The following MSI1 variants were observed in gnomAD, a reference collection of about 807,000 sequenced individuals.
MSI1 encodes musashi RNA binding protein 1.
Under a neutral mutation model 54.4 loss-of-function variants are expected in MSI1, and 15 were observed. The observed-to-expected ratio is 0.28, with a 90% confidence interval of 0.18 to 0.42. MSI1 has a LOEUF of 0.42. Among genes scored for constraint, MSI1 ranks in the 20% least tolerant of loss-of-function variants. The pLI is 1.00. For missense variants in MSI1, 304 were observed against 506.0 expected, an observed-to-expected ratio of 0.60 and a Z score of 3.83; for synonymous variants, 200 against 196.5, an observed-to-expected ratio of 1.02 and a Z score of -0.15.
intron 4 of MSI1, among the ~76,000 whole-genome samples, chr12:120,366,884 G>C (rs910374095): frequency 1.3e-5 from 2 of 152,148 alleles, no homozygotes; most frequent in African/African-American, 4.8e-5. Flanking sequence ...GAAGCCATCA[G>C]TGCATTCTGA....
chr12:120,359,080 C>A (rs543758933), intron 6 of MSI1, 27 bp from the exon 7 acceptor site: 112 of 1,552,076 alleles, frequency 7.2e-5, no homozygotes, highest in Non-Finnish European at 9.2e-5. Flanking sequence ...CATGGAGGAC[C>A]CAGCAGATAC....
chr12:120,367,707 C>T (rs978989919), intron 4 of MSI1, among the ~76,000 whole-genome samples: 8 of 152,044 alleles, frequency 5.3e-5, no homozygotes, highest in South Asian at 2.1e-4. Context: ...CTAGCCCCAC[C>T]CCAAGCTCTG....
intron 14 of MSI1, 102 bp downstream of exon 14, chr12:120,345,468 G>C: frequency 1.0e-6 from 1 of 1,003,064 alleles, no homozygotes. Flanking sequence ...CCCTGGGACT[G>C]TGGTTCTTGA....
At chr12:120,361,907 G>T (rs1001450651) in intron 6 of MSI1, among the ~76,000 whole-genome samples, 1 of 151,766 alleles carries the variant, frequency 6.6e-6, no homozygotes, top group African/African-American at 2.4e-5. Context: ...TGGCAACGCC[G>T]GCCCCGGGGG....
At chr12:120,367,870 C>G (rs1876113412) in intron 4 of MSI1, 138 bp downstream of exon 4, 1 of 811,318 alleles carries the variant, frequency 1.2e-6, no homozygotes, top group Non-Finnish European at 1.9e-6. Flanking sequence ...AGTTTCAGAG[C>G]ATGGCAGCCC....
At chr12:120,349,842 TGGCTCATTTA>T (rs1874443269) in intron 11 of MSI1, among the ~76,000 whole-genome samples, 1 of 152,222 alleles carries the variant, frequency 6.6e-6, no homozygotes, top group African/African-American at 2.4e-5. Flanking sequence ...GTCTGTTGTT[TGGCTCATTTA>T]GGCATTTCCA....
At chr12:120,364,583 A>G (rs927929918) in intron 5 of MSI1, 131 bp downstream of exon 5, 7 of 853,316 alleles carry the variant, frequency 8.2e-6, no homozygotes, top group Non-Finnish European at 1.2e-5. Context: ...CCCTCTTCCC[A>G]GCCCAGCCCA....
At position 120,368,109 on chromosome 12, in the gene MSI1, G is replaced by A. The variant is rs1876131119; in HGVS notation, c.183-17C>T. The A allele has an allele frequency of 1.2e-6, 2 of 1,612,300 alleles. No homozygotes were observed. Among genetic ancestry groups the A allele is most frequent in the Non-Finnish European group, 1.7e-6 (2 of 1,179,336 alleles). On this transcript the variant is annotated splice_polypyrimidine_tract_variant and intron_variant, in intron 3 of 14. Transcript: ENST00000257552. The surrounding 1 kb of genome is among the most constrained non-coding windows in gnomAD (Gnocchi z 6.6). ...CCGAAACCCCTGCGCGCCGTAGTGA[G>A]GGAGAGGCAGATGGTTACAAGGCAG...
intron 5 of MSI1, 132 bp from the exon 6 acceptor site, chr12:120,363,267 C>CCA: frequency 1.5e-6 from 1 of 673,708 alleles, no homozygotes; most frequent in African/African-American, 1.8e-5. Context: ...AAAGGCCCCC[C>CCA]CCCCGCAAGC....
intron 9 of MSI1, among the ~76,000 whole-genome samples, chr12:120,356,031 A>C (rs1565888886): frequency 6.6e-6 from 1 of 152,018 alleles, no homozygotes; most frequent in Non-Finnish European, 1.5e-5. Flanking sequence ...TCAGTCTTGG[A>C]CCCAAAGCAC....
chr12:120,353,149 G>A, intron 10 of MSI1, 150 bp downstream of exon 10: 1 of 760,504 alleles, frequency 1.3e-6, no homozygotes, highest in Non-Finnish European at 2.2e-6. Flanking sequence ...GATGGGTGGG[G>A]AGAGGCCCTC....
At chr12:120,350,238 G>A (rs183575709) in intron 11 of MSI1, among the ~76,000 whole-genome samples, 2 of 152,258 alleles carry the variant, frequency 1.3e-5, no homozygotes, top group African/African-American at 4.8e-5. Context: ...TGTTGCCCAG[G>A]CTAGTCTTGA....
chr12:120,347,036 G>A (rs901269055), intron 12 of MSI1, among the ~76,000 whole-genome samples: 2 of 151,922 alleles, frequency 1.3e-5, no homozygotes, highest in African/African-American at 2.4e-5. Flanking sequence ...TGCAACCTCC[G>A]CCTCCCGGGT....
intron 9 of MSI1, among the ~76,000 whole-genome samples, chr12:120,355,018 C>A (rs1874959447): frequency 8.1e-6 from 1 of 123,518 alleles, no homozygotes; most frequent in Non-Finnish European, 1.6e-5. Context: ...CATAGTGAGA[C>A]CCCGTCTCTA....
At chr12:120,361,812 C>T (rs1315877811) in intron 6 of MSI1, among the ~76,000 whole-genome samples, 1 of 151,914 alleles carries the variant, frequency 6.6e-6, no homozygotes, top group East Asian at 2.0e-4. Flanking sequence ...CCTGGCCTCC[C>T]CGGGCCGGTT....
intron 5 of MSI1, among the ~76,000 whole-genome samples, chr12:120,364,483 A>C (rs922105721): frequency 1.3e-5 from 2 of 152,082 alleles, no homozygotes; most frequent in Non-Finnish European, 2.9e-5. Flanking sequence ...CTTTCTCCCA[A>C]CACACACAAG....
chr12:120,368,392 G>T lies in MSI1; in HGVS notation c.101-119C>A. The T allele has an allele frequency of 9.6e-7, 1 of 1,043,542 alleles. No homozygotes were observed. The highest frequency in any genetic ancestry group is 1.3e-6 in the Non-Finnish European group (1 of 752,336). 64.6% of individuals were successfully genotyped at this position (1,043,542 alleles called of 1,614,324 possible). A position where few individuals can be genotyped will look rare whatever the true frequency, so the allele number is the denominator to read the frequency against. ...CGCCCCCGCGCCAAGCTGCCCGCGC[G>T]TTCTCCACTGCCGCCGCCCCCCACC... On this transcript the variant is annotated intron_variant, in intron 2 of 14. Coordinates refer to ENST00000257552, the MANE Select transcript of MSI1 (RefSeq NM_002442.4). This position sits in a 1 kb window ranked among gnomAD's most constrained non-coding sequence, Gnocchi z 6.6.
At chr12:120,353,797 C>T (rs1281771764) in intron 9 of MSI1, among the ~76,000 whole-genome samples, 1 of 152,180 alleles carries the variant, frequency 6.6e-6, no homozygotes, top group Non-Finnish European at 1.5e-5. Flanking sequence ...GGCCTTTGCA[C>T]ATGCTGGTGC....
downstream of MSI1, among the ~76,000 whole-genome samples, chr12:120,341,008 C>T (rs1300619233): frequency 2.0e-5 from 3 of 151,472 alleles, no homozygotes; most frequent in Non-Finnish European, 4.4e-5. Context: ...GCCTCAGCCT[C>T]CTGAGTAGCT....
Sources: gnomAD v4.1 joint callset for allele counts (sites outside exome capture counted in the v4.1 genomes callset) on GRCh38, gnomAD v4.1.1 for gene constraint, Gnocchi (gnomAD v3.1) non-coding constraint, MANE v1.5 for transcripts, NCBI Gene and HGNC (gene_info 2026-07-23, HGNC 2026-07-21) for gene names.